ROBO2: variants seen among roughly 807,000 people sequenced by gnomAD.
The protein encoded by ROBO2 is roundabout homolog 2.
In ROBO2, 53 loss-of-function variants were observed where a neutral mutation model predicts 160.8. The observed-to-expected ratio is 0.33, with a 90% confidence interval of 0.26 to 0.41. ROBO2 has a LOEUF of 0.41. Ranked by LOEUF, ROBO2 falls within the 10% of genes least tolerant of loss-of-function variation. The probability of loss-of-function intolerance (pLI) is 1.00; values close to 1 mark genes in which losing one functional copy is unlikely to be tolerated. For missense variants in ROBO2, 1,577 were observed against 1,722.4 expected (o/e 0.92, Z 1.49); for synonymous variants, 664 against 611.7 (o/e 1.09, Z -1.26).
At chr3:77,410,567 TTCC>T (rs1259048815) in intron 2 of ROBO2, among the ~76,000 whole-genome samples, 4 of 49,424 alleles carry the variant, frequency 8.1e-5, no homozygotes, top group African/African-American at 1.3e-4. Flanking sequence ...CCTCCTCTTC[TTCC>T]TCCTCCTCTT....
chr3:76,885,618 G>C (rs1333714920), intron 2 of ROBO2, among the ~76,000 whole-genome samples: 1 of 152,086 alleles, frequency 6.6e-6, no homozygotes, highest in African/African-American at 2.4e-5. Context: ...CATCACAAAA[G>C]TAGATCTCAA....
At chr3:76,010,939 C>G (rs1205199117) in intron 2 of ROBO2, among the ~76,000 whole-genome samples, 1 of 152,086 alleles carries the variant, frequency 6.6e-6, no homozygotes, top group Admixed American at 6.5e-5. Context: ...AAAATACATC[C>G]TAGGGCTTGG....
chr3:76,020,583 C>T (rs2066545111), intron 2 of ROBO2, among the ~76,000 whole-genome samples: 2 of 151,874 alleles, frequency 1.3e-5, no homozygotes, highest in African/African-American at 4.8e-5. Context: ...CTTTATATAA[C>T]ATAGGGACCT....
chr3:76,903,999 T>C (rs568037670), intron 2 of ROBO2, among the ~76,000 whole-genome samples: 32 of 152,158 alleles, frequency 2.1e-4, no homozygotes, highest in Non-Finnish European at 3.4e-4. Flanking sequence ...TTCTCCACTA[T>C]TTCACTTCTA....
intron 2 of ROBO2, among the ~76,000 whole-genome samples, chr3:76,424,714 TG>T (rs2108958906): frequency 6.6e-6 from 1 of 152,298 alleles, no homozygotes; most frequent in South Asian, 2.1e-4. Flanking sequence ...TTGGAGTTGA[TG>T]GATACAGTTA....
intron 2 of ROBO2, among the ~76,000 whole-genome samples, chr3:76,803,429 AGAG>A (rs2064387938): frequency 7.0e-6 from 1 of 142,420 alleles, no homozygotes. Context: ...AGGATACAAA[AGAG>A]GAGGAAGGAT....
rs572627154 is a variant in ROBO2, at chr3:77,216,631, G to C, written c.388+118291G>C. Among the ~76,000 whole-genome samples, 5 of 152,280 alleles carry C rather than the reference G, an allele frequency of 3.3e-5. No individual in the cohort carries two copies. In the East Asian group the frequency reaches 9.7e-4, roughly 29 times the overall value. ...CCAGTGAGATGAACCCGGTACCTCAGTTGGAAATGCAGAAATCACTCGTCT... is the reference window on the plus strand; with the variant it reads ...CCAGTGAGATGAACCCGGTACCTCACTTGGAAATGCAGAAATCACTCGTCT... On this transcript the variant is annotated intron_variant, in intron 2 of 25. Transcript: ENST00000461745.
intron 2 of ROBO2, among the ~76,000 whole-genome samples, chr3:77,206,872 A>T (rs1187373719): frequency 1.4e-4 from 21 of 152,252 alleles, no homozygotes; most frequent in Admixed American, 3.9e-4. Flanking sequence ...AGAATTCCAG[A>T]ATCCATTGAT....
upstream of ROBO2, among the ~76,000 whole-genome samples, chr3:77,035,245 T>C (rs1469991217): frequency 6.6e-6 from 1 of 151,928 alleles, no homozygotes; most frequent in Non-Finnish European, 1.5e-5. Flanking sequence ...GAACTGACAC[T>C]ATGAAGATAA....
intron 2 of ROBO2, among the ~76,000 whole-genome samples, chr3:75,974,479 G>C (rs2065083345): frequency 2.0e-5 from 3 of 151,564 alleles, no homozygotes; most frequent in African/African-American, 7.2e-5. Context: ...AGCTATCTTG[G>C]GAATGTTTTG....
intron 2 of ROBO2, among the ~76,000 whole-genome samples, chr3:76,266,783 C>T (rs1453094942): frequency 1.3e-5 from 2 of 152,042 alleles, no homozygotes; most frequent in African/African-American, 4.8e-5. Flanking sequence ...TTCTACCAAA[C>T]TTTTGTGATA....
At chr3:76,421,099 A>G (rs1371038408) in intron 2 of ROBO2, among the ~76,000 whole-genome samples, 2 of 152,202 alleles carry the variant, frequency 1.3e-5, no homozygotes, top group Non-Finnish European at 2.9e-5. Context: ...TAAATTGTTG[A>G]ACCTCTTTCA....
intron 2 of ROBO2, among the ~76,000 whole-genome samples, chr3:76,602,796 C>T (rs537202605): frequency 2.4e-4 from 37 of 151,962 alleles, no homozygotes; most frequent in African/African-American, 8.7e-4. Context: ...TGGGTTCCTC[C>T]CATGACAGGT....
chr3:76,287,871 A>G (rs1004017319), intron 2 of ROBO2, among the ~76,000 whole-genome samples: 3 of 146,578 alleles, frequency 2.0e-5, no homozygotes, highest in East Asian at 2.1e-4. Context: ...TACTGCTACT[A>G]TTTTTGTATT....
At chr3:76,833,771 G>A (rs2067287487) in intron 2 of ROBO2, among the ~76,000 whole-genome samples, 1 of 152,052 alleles carries the variant, frequency 6.6e-6, no homozygotes, top group African/African-American at 2.4e-5. Context: ...ACACTGGTAA[G>A]TGCCCACAGG....
rs146678697 is a variant in ROBO2 at position 77,014,478 on chromosome 3, G to A, written c.110-83536G>A. Among the ~76,000 whole-genome samples, 83 of 152,208 alleles carry A rather than the reference G, an allele frequency of 5.5e-4. No homozygotes were observed. In the East Asian group the frequency reaches 0.014, roughly 26 times the overall value. On this transcript the variant is annotated intron_variant, in intron 2 of 26. Coordinates refer to the ROBO2 transcript ENST00000487694. ...GCGTAACTGTGTGTGACTCCAAAGC[G>A]AGCTGCAGCCATGTCACGCCGATCC...
intron 3 of ROBO2, 138 bp downstream of exon 3, chr3:77,477,709 T>C: frequency 2.1e-6 from 2 of 930,302 alleles, no homozygotes; most frequent in Non-Finnish European, 3.3e-6. Flanking sequence ...CTTGAAAAGA[T>C]TTAAAAACAT....
At chr3:76,361,072 T>C (rs539017151) in intron 2 of ROBO2, among the ~76,000 whole-genome samples, 1 of 152,118 alleles carries the variant, frequency 6.6e-6, no homozygotes, top group Non-Finnish European at 1.5e-5. Context: ...ATTTTTTTCA[T>C]GTAATGACAT....
At chr3:77,193,445 TAAG>T (rs1319263488) in intron 2 of ROBO2, among the ~76,000 whole-genome samples, 1 of 145,696 alleles carries the variant, frequency 6.9e-6, no homozygotes. Context: ...CATGCCCAGC[TAAG>T]TTTTTTTTTT....
Sources: gnomAD v4.1 joint callset for allele counts (sites outside exome capture counted in the v4.1 genomes callset) on GRCh38, gnomAD v4.1.1 for gene constraint, MANE v1.5 for transcripts, NCBI Gene and HGNC (gene_info 2026-07-23, HGNC 2026-07-21) for gene names.